CPS1: variants seen among roughly 807,000 people sequenced by gnomAD.
CPS1 encodes the protein carbamoyl-phosphate synthase 1.
CPS1 carries 109 observed loss-of-function variants against 174.6 expected under a neutral mutation model. That is an observed-to-expected ratio of 0.62 (90% CI 0.53 to 0.73). CPS1 has a LOEUF of 0.73. CPS1 is among the 30% of genes least tolerant of loss of function. The pLI, the probability that CPS1 is intolerant of heterozygous loss-of-function variation, is 0.00. For missense variants in CPS1, 1,689 were observed against 1,821.9 expected (o/e 0.93, Z 1.33); for synonymous variants, 637 against 632.0 (o/e 1.01, Z -0.12).
chr2:210,679,093 A>G lies in CPS1; in HGVS notation c.*1108A>G, dbSNP rs1456338368. On this transcript the variant is annotated 3_prime_UTR_variant, in exon 38 of 38. Coordinates refer to ENST00000233072, the MANE Select transcript of CPS1 (RefSeq NM_001875.5). ...CTAATTGTGAACTTTTAAATAAAAT[A>G]CTATTAAGAGGTAATGCAGTTGAAT... 1.3e-5 allele frequency: 2 copies of G among 152,216 alleles called. No homozygotes were observed. Among genetic ancestry groups the G allele is most frequent in the Non-Finnish European group, 2.9e-5 (2 of 68,026 alleles). 9.4% of individuals were successfully genotyped at this position (152,216 alleles called of 1,614,324 possible).
intron 33 of CPS1, among the ~76,000 whole-genome samples, chr2:210,667,736 A>G (rs947763428): frequency 6.6e-6 from 1 of 152,214 alleles, no homozygotes; most frequent in Non-Finnish European, 1.5e-5. Flanking sequence ...CATTTCTGCT[A>G]CTGACCGGTA....
Position 210,660,587 on chromosome 2 carries a change from A to G in CPS1, c.3859A>G (p.Asn1287Asp). The G allele has an allele frequency of 1.2e-6, 2 of 1,614,120 alleles. No individual in the cohort carries two copies. Among genetic ancestry groups the G allele is most frequent in the East Asian group, 2.2e-5 (1 of 44,868 alleles). ...DVATKVMIGE[N>D]VDEKHLPTLD... ...GGCCACCAAGGTGATGATTGGAGAG[A>G]ATGTTGATGAGAAACATCTTCCAAC... is the stretch of plus-strand genomic sequence containing the variant. The change falls in exon 32 of 38, where the codon AAT becomes GAT. Residue 1287 changes from asparagine (N) to aspartate (D), a missense_variant. By Grantham distance (23) the Asn-to-Asp change is conservative. Coordinates refer to ENST00000233072, the MANE Select transcript of CPS1 (RefSeq NM_001875.5).
intron 1 of CPS1, among the ~76,000 whole-genome samples, chr2:210,498,212 A>T (rs1695052204): frequency 6.6e-6 from 1 of 151,874 alleles, no homozygotes; most frequent in East Asian, 1.9e-4. Context: ...TGAAGATGAC[A>T]TATGTTGTAT....
At chr2:210,597,823 C>CATATATATATATATATAT (rs1169393511) in intron 13 of CPS1, among the ~76,000 whole-genome samples, 7 of 148,324 alleles carry the variant, frequency 4.7e-5, no homozygotes, top group African/African-American at 1.8e-4. Flanking sequence ...TGAATACCTT[C>CATATATATATATATATAT]ATATATATAC....
chr2:210,602,180 G>A (rs1698749278), intron 15 of CPS1, 22 bp from the exon 16 acceptor site: 1 of 1,611,516 alleles, frequency 6.2e-7, no homozygotes, highest in Non-Finnish European at 8.5e-7. Flanking sequence ...TTAAAATGTT[G>A]AGTCCTTGTT....
At chr2:210,625,433 CAT>C (rs1699668705) in intron 21 of CPS1, among the ~76,000 whole-genome samples, 1 of 152,168 alleles carries the variant, frequency 6.6e-6, no homozygotes, top group South Asian at 2.1e-4. Context: ...TAACTTTACA[CAT>C]GTTATCTCAT....
chr2:210,634,773 C>T (rs974498515), intron 21 of CPS1, among the ~76,000 whole-genome samples: 3 of 152,154 alleles, frequency 2.0e-5, no homozygotes, highest in South Asian at 2.1e-4. Flanking sequence ...ATACAGAGCA[C>T]GTACTCACTA....
intron 21 of CPS1, among the ~76,000 whole-genome samples, chr2:210,622,694 C>T (rs762196142): frequency 3.3e-5 from 5 of 150,490 alleles, no homozygotes; most frequent in Non-Finnish European, 7.4e-5. Context: ...CAGGACTTTA[C>T]ACCCCCAAGC....
At chr2:210,624,207 A>G (rs1430132895) in intron 21 of CPS1, among the ~76,000 whole-genome samples, 5 of 152,116 alleles carry the variant, frequency 3.3e-5, no homozygotes, top group African/African-American at 1.2e-4. Flanking sequence ...TCATATTACT[A>G]CTAACTCACA....
chr2:210,666,871 C>T (rs867863420), intron 33 of CPS1, among the ~76,000 whole-genome samples: 1,592 of 152,118 alleles, frequency 0.01, 27 homozygotes, highest in Middle Eastern at 0.058. Context: ...AAGAAAATCA[C>T]TGGTAGCTTG....
chr2:210,673,307 A>G (rs1012583218), intron 34 of CPS1: 5 of 152,232 alleles, frequency 3.3e-5, no homozygotes, highest in Admixed American at 3.3e-4. Context: ...ATCTTTGGGT[A>G]GGTCACCTAG....
intron 20 of CPS1, among the ~76,000 whole-genome samples, chr2:210,614,470 GC>G (rs1184137868): frequency 1.3e-5 from 2 of 151,954 alleles, no homozygotes; most frequent in Non-Finnish European, 2.9e-5. Flanking sequence ...TTGAGGAAAT[GC>G]CACACTGTCT....
At chr2:210,616,074 G>T (rs1463428129) in intron 20 of CPS1, among the ~76,000 whole-genome samples, 1 of 152,018 alleles carries the variant, frequency 6.6e-6, no homozygotes, top group East Asian at 1.9e-4. Context: ...TGGCTTAACT[G>T]TAGTTTCAAG....
chr2:210,622,921 AC>A (rs1196238522), intron 21 of CPS1, among the ~76,000 whole-genome samples: 8 of 151,926 alleles, frequency 5.3e-5, no homozygotes, highest in African/African-American at 1.9e-4. Flanking sequence ...TTTCTGACTG[AC>A]ATATCCAGCT....
intron 33 of CPS1, 38 bp from the exon 34 acceptor site, chr2:210,668,148 G>A (rs1211254391): frequency 7.0e-7 from 1 of 1,421,340 alleles, no homozygotes; most frequent in Non-Finnish European, 9.9e-7. Context: ...ACTATTCTTT[G>A]CATCCTCTAT....
chr2:210,492,454 A>C lies in CPS1; in HGVS notation c.3+14688A>C, dbSNP rs561836007. Among the ~76,000 whole-genome samples the C allele has an allele frequency of 2.0e-5, 3 of 152,346 alleles. No homozygotes were observed. In the East Asian group the frequency reaches 5.8e-4, roughly 29 times the overall value. ...CACTGAAGTTTGATCATCTGCAGAA[A>C]ATAACTTTTAATGTGTTCTTTAGAA... is the stretch of plus-strand genomic sequence containing the variant. On this transcript the variant is annotated intron_variant, in intron 1 of 38. Coordinates refer to the CPS1 transcript ENST00000430249.
intron 1 of CPS1, among the ~76,000 whole-genome samples, chr2:210,500,848 TG>T (rs959564792): frequency 6.6e-6 from 1 of 152,210 alleles, no homozygotes; most frequent in Admixed American, 6.5e-5. Context: ...GGACTTTGTG[TG>T]GGGGCTCCAA....
intron 1 of CPS1, among the ~76,000 whole-genome samples, chr2:210,516,454 A>G (rs554623475): frequency 6.6e-6 from 1 of 151,910 alleles, no homozygotes; most frequent in East Asian, 1.9e-4. Context: ...TAAGTTCACA[A>G]TCCTTTCACT....
chr2:210,530,436 A>C (rs1696087976), intron 1 of CPS1, among the ~76,000 whole-genome samples: 1 of 152,106 alleles, frequency 6.6e-6, no homozygotes, highest in African/African-American at 2.4e-5. Flanking sequence ...AATAATAGCC[A>C]AACTACTGAG....
Sources: allele counts gnomAD v4.1 joint callset (sites outside exome capture counted in the v4.1 genomes callset), GRCh38; gene constraint gnomAD v4.1.1; transcripts MANE v1.5; gene names NCBI Gene and HGNC (gene_info 2026-07-23, HGNC 2026-07-21).